OR56A3: variants seen among roughly 807,000 people sequenced by gnomAD.
The protein encoded by OR56A3 is olfactory receptor 56A3.
Under a neutral mutation model 17.5 loss-of-function variants are expected in OR56A3, and 23 were observed. The observed-to-expected ratio is 1.32, with a 90% CI of 0.95 to 1.87. OR56A3 has a LOEUF of 1.87. Ranked by LOEUF, OR56A3 falls within the 40% of genes most tolerant of loss-of-function variation. The pLI, the probability that OR56A3 is intolerant of heterozygous loss-of-function variation, is 0.00. For missense variants in OR56A3, 366 were observed against 380.1 expected, an observed-to-expected ratio of 0.96 and a Z score of 0.31; for synonymous variants, 175 against 150.6, an observed-to-expected ratio of 1.16 and a Z score of -1.19.
At chr11:5,988,651 CTT>C in the OR56A3 span, among the ~76,000 whole-genome samples, 2,687 of 152,206 alleles carry the variant, frequency 0.018, 69 homozygotes, top group African/African-American at 0.06. Context: ...CCACAGGCTT[CTT>C]TCTTTTCTTC....
chr11:5,956,435 T>C, the OR56A3 span, among the ~76,000 whole-genome samples: 1 of 152,136 alleles, frequency 6.6e-6, no homozygotes, highest in Non-Finnish European at 1.5e-5. Flanking sequence ...CTAACACAAT[T>C]ATGTCTTTCT....
chr11:5,991,853 T>C, the OR56A3 span, among the ~76,000 whole-genome samples: 1 of 152,150 alleles, frequency 6.6e-6, no homozygotes, highest in East Asian at 1.9e-4. Flanking sequence ...TTATTACCAA[T>C]TGGCAGGTCC....
the OR56A3 span, among the ~76,000 whole-genome samples, chr11:6,014,572 G>A: frequency 6.6e-6 from 1 of 152,116 alleles, no homozygotes; most frequent in Admixed American, 6.5e-5. Flanking sequence ...GTGTAACTAT[G>A]AGCTAATTGG....
chr11:5,981,060 G>T, the OR56A3 span, among the ~76,000 whole-genome samples: 1 of 152,128 alleles, frequency 6.6e-6, no homozygotes, highest in African/African-American at 2.4e-5. Context: ...TCCTTTTGTA[G>T]GTGGCCTGCC....
chr11:5,951,079 A>G lies in OR56A3; in HGVS notation c.*2785A>G, dbSNP rs534212905. On this transcript the variant is annotated 3_prime_UTR_variant, in exon 3 of 3. Coordinates refer to ENST00000641160, the MANE Select transcript of OR56A3 (RefSeq NM_001003443.3). ...AATGCTGCAATAACATGAGTGCTAAATCTTGGAAACCAAGGTGAGAAGATT... is the reference window on the plus strand; with the variant it reads ...AATGCTGCAATAACATGAGTGCTAAGTCTTGGAAACCAAGGTGAGAAGATT... 6.6e-6 allele frequency: 1 copy of G among 152,150 alleles called. No homozygotes were observed. The highest frequency in any genetic ancestry group is 2.4e-5 in the African/African-American group (1 of 41,446). 9.4% of individuals were successfully genotyped at this position (152,150 alleles called of 1,614,324 possible).
At chr11:5,968,983 C>T in the OR56A3 span, among the ~76,000 whole-genome samples, 1 of 152,142 alleles carries the variant, frequency 6.6e-6, no homozygotes. Flanking sequence ...TTTTATTACA[C>T]ACCAAAGTAC....
chr11:6,003,121 A>G, the OR56A3 span: 379 of 1,582,046 alleles, frequency 2.4e-4, no homozygotes, highest in Non-Finnish European at 3.0e-4. Context: ...ATCTGTCCCA[A>G]TAAAGTTTTT....
chr11:5,993,798 G>T, the OR56A3 span: 2 of 272,686 alleles, frequency 7.3e-6, no homozygotes, highest in Non-Finnish European at 7.3e-6. Context: ...ACTTTAACAT[G>T]TAACCAACAT....
At chr11:6,013,936 C>G in the OR56A3 span, among the ~76,000 whole-genome samples, 1 of 152,150 alleles carries the variant, frequency 6.6e-6, no homozygotes, top group Non-Finnish European at 1.5e-5. Flanking sequence ...CTACCACTGC[C>G]AACACAATGC....
the OR56A3 span, chr11:5,986,006 C>A: frequency 6.2e-7 from 1 of 1,612,910 alleles, no homozygotes; most frequent in Non-Finnish European, 8.5e-7. Context: ...ACTCCATAGA[C>A]AAGAGGATTG....
rs995172871 is a variant in OR56A3, at chr11:5,949,907, A to G, written c.*1613A>G. The stretch of plus-strand genomic sequence containing the variant: ...CAATAATTTAATTAGAAATTTCTCA[A>G]AAGTGAAAAGCCATCTGTTAAGATC... On this transcript the variant is annotated 3_prime_UTR_variant, in exon 3 of 3. Transcript: ENST00000641160. The G allele has an allele frequency of 1.3e-5, 2 of 152,226 alleles. No homozygotes were observed. The allele number at this position is 152,226 out of a possible 1,614,324, so 9.4% of individuals were successfully genotyped here.
the OR56A3 span, among the ~76,000 whole-genome samples, chr11:6,010,949 C>A: frequency 2.0e-5 from 3 of 151,934 alleles, no homozygotes; most frequent in Admixed American, 1.3e-4. Context: ...TTATCTCCTC[C>A]CCTTGTGAGT....
the OR56A3 span, among the ~76,000 whole-genome samples, chr11:5,989,152 C>A: frequency 6.6e-6 from 1 of 152,200 alleles, no homozygotes; most frequent in Non-Finnish European, 1.5e-5. Flanking sequence ...ATTGAGACAT[C>A]CAGGGGAATC....
the OR56A3 span, chr11:5,986,677 G>A: frequency 1.8e-5 from 29 of 1,613,852 alleles, no homozygotes; most frequent in Non-Finnish European, 2.4e-5. Context: ...GTCGATGGCA[G>A]CTAGCATGGA....
the OR56A3 span, chr11:6,002,927 G>C: frequency 6.2e-7 from 1 of 1,613,860 alleles, no homozygotes; most frequent in Non-Finnish European, 8.5e-7. Flanking sequence ...AGCTCTGGAA[G>C]TTGGGGAAGC....
chr11:5,999,144 A>G, the OR56A3 span, among the ~76,000 whole-genome samples: 1 of 152,322 alleles, frequency 6.6e-6, no homozygotes, highest in Middle Eastern at 3.4e-3. Flanking sequence ...TTCCTACATG[A>G]TAACCCTCAC....
the OR56A3 span, among the ~76,000 whole-genome samples, chr11:6,007,129 G>A: frequency 1.3e-5 from 2 of 152,182 alleles, no homozygotes; most frequent in Non-Finnish European, 2.9e-5. Flanking sequence ...AGTAGAGTGA[G>A]GGTGAAAGAG....
At chr11:5,960,248 C>T in the OR56A3 span, among the ~76,000 whole-genome samples, 10 of 152,020 alleles carry the variant, frequency 6.6e-5, no homozygotes, top group Non-Finnish European at 1.3e-4. Context: ...CTCCCCCTCC[C>T]TCTCCCTCTC....
chr11:5,986,313 G>A, the OR56A3 span: 7 of 1,613,864 alleles, frequency 4.3e-6, no homozygotes, highest in Admixed American at 1.2e-4. Context: ...TTTCTGAGCA[G>A]GCAAGTTTCA....
Sources: gnomAD v4.1 joint callset for allele counts (sites outside exome capture counted in the v4.1 genomes callset) on GRCh38, gnomAD v4.1.1 for gene constraint, MANE v1.5 for transcripts, NCBI Gene and HGNC (gene_info 2026-07-23, HGNC 2026-07-21) for gene names.